The following AFF4 variants were observed in gnomAD, a reference collection of about 807,000 sequenced individuals.
AFF4 encodes ALF transcription elongation factor 4.
In AFF4, 13 loss-of-function variants were observed where a neutral mutation model predicts 124.8. The ratio of observed to expected loss-of-function variants is 0.10; its 90% CI spans 0.07 to 0.17. The LOEUF (loss-of-function observed/expected upper bound fraction) is 0.17, where lower values mean the gene tolerates loss of function less well. Ranked by LOEUF, AFF4 falls within the 10% of genes least tolerant of loss-of-function variation. The pLI, the probability that AFF4 is intolerant of heterozygous loss-of-function variation, is 1.00. For missense variants in AFF4, 1,092 were observed against 1,403.8 expected (o/e 0.78, Z 3.55); for synonymous variants, 477 against 496.1 (o/e 0.96, Z 0.51).
intron 1 of AFF4, among the ~76,000 whole-genome samples, chr5:132,950,208 G>A (rs922870469): frequency 6.6e-6 from 1 of 152,144 alleles, no homozygotes; most frequent in Non-Finnish European, 1.5e-5. Context: ...GGGCGCGATG[G>A]CTCACGCCTG....
chr5:132,891,651 A>C (rs1760260410), intron 13 of AFF4, among the ~76,000 whole-genome samples: 1 of 152,236 alleles, frequency 6.6e-6, no homozygotes. Context: ...TTGTCACTTT[A>C]CGTAATATAA....
At chr5:132,916,600 G>A (rs1246504710) in intron 5 of AFF4, among the ~76,000 whole-genome samples, 1 of 152,044 alleles carries the variant, frequency 6.6e-6, no homozygotes, top group Non-Finnish European at 1.5e-5. Context: ...TAAAAGCCAT[G>A]GTCTCAACTC....
At chr5:132,891,839 A>T in intron 13 of AFF4, 1 of 388,838 alleles carries the variant, frequency 2.6e-6, no homozygotes. Flanking sequence ...TCTTTTACAG[A>T]CAGGGTCTCA....
intron 1 of AFF4, among the ~76,000 whole-genome samples, chr5:132,955,795 A>AAAAT (rs1554079227): frequency 7.0e-4 from 82 of 117,482 alleles, no homozygotes; most frequent in East Asian, 3.3e-3. Flanking sequence ...AAAAAAAAAA[A>AAAAT]ATATATATAT....
intron 2 of AFF4, among the ~76,000 whole-genome samples, chr5:132,936,223 C>T (rs1255663493): frequency 7.2e-6 from 1 of 139,350 alleles, no homozygotes; most frequent in Non-Finnish European, 1.5e-5. Context: ...GCCCAGATCG[C>T]GCCACTGCAC....
rs1760753749 is a variant in AFF4 at position 132,909,866 on chromosome 5, G to A, written c.1051-5462C>T. Among the ~76,000 whole-genome samples, 3 of 152,128 alleles carry A rather than the reference G, an allele frequency of 2.0e-5. No individual in the cohort carries two copies. In the South Asian group the frequency reaches 6.2e-4, roughly 32 times the overall value. The stretch of plus-strand genomic sequence containing the variant: ...TGTTAAAGCAGCTACTGTATCAACA[G>A]GTGGAAGGGGAAGGTAAAGAGGGAA... On this transcript the variant is annotated intron_variant, in intron 5 of 20. Transcript: ENST00000265343.
intron 13 of AFF4, 53 bp from the exon 14 acceptor site, chr5:132,889,226 A>C (rs1373955579): frequency 1.6e-6 from 2 of 1,275,018 alleles, no homozygotes; most frequent in Non-Finnish European, 2.2e-6. Context: ...ATTAAAAATG[A>C]AACTAATAGC....
chr5:132,927,536 C>A, intron 4 of AFF4: 1 of 250,862 alleles, frequency 4.0e-6, no homozygotes, highest in Non-Finnish European at 7.6e-6. Context: ...GAGGAAGGGA[C>A]AATGATAAGG....
At chr5:132,924,824 A>G (rs1252098101) in intron 5 of AFF4, among the ~76,000 whole-genome samples, 2 of 151,710 alleles carry the variant, frequency 1.3e-5, no homozygotes, top group African/African-American at 4.8e-5. Flanking sequence ...CAGGTGACAC[A>G]GCAAGACTCC....
At chr5:132,907,661 G>C (rs558919517) in intron 5 of AFF4, among the ~76,000 whole-genome samples, 19 of 152,188 alleles carry the variant, frequency 1.2e-4, no homozygotes, top group Admixed American at 3.9e-4. Flanking sequence ...AGGAAGATGA[G>C]CAAAGGCTTC....
chr5:132,961,524 T>C (rs558140726), intron 1 of AFF4, among the ~76,000 whole-genome samples: 2 of 152,248 alleles, frequency 1.3e-5, no homozygotes, highest in African/African-American at 4.8e-5. Context: ...CAGGCCCGGC[T>C]GCAGAATATA....
At chr5:132,892,928 T>C in intron 12 of AFF4, 102 bp downstream of exon 12, 2 of 1,105,848 alleles carry the variant, frequency 1.8e-6, no homozygotes, top group Admixed American at 3.7e-5. Context: ...ATATAACACT[T>C]GCTTACTAAA....
chr5:132,883,234 A>T (rs745455720), intron 20 of AFF4, 106 bp downstream of exon 20: 116 of 1,049,608 alleles, frequency 1.1e-4, no homozygotes, highest in Middle Eastern at 4.2e-4. Context: ...ATTATCATTA[A>T]CTCTAAATAA....
intron 3 of AFF4, among the ~76,000 whole-genome samples, chr5:132,933,097 A>G (rs1246768053): frequency 6.6e-6 from 1 of 152,122 alleles, no homozygotes; most frequent in Non-Finnish European, 1.5e-5. Flanking sequence ...CACAAACTAC[A>G]TTAAAAGATA....
chr5:132,881,332 C>T (rs1325272929), intron 20 of AFF4, 146 bp from the exon 21 acceptor site: 2 of 817,688 alleles, frequency 2.4e-6, no homozygotes, highest in Non-Finnish European at 3.7e-6. Flanking sequence ...TGTTTTAGAG[C>T]AAATCATTCC....
At chr5:132,912,960 T>C (rs528476892) in intron 5 of AFF4, among the ~76,000 whole-genome samples, 1 of 152,128 alleles carries the variant, frequency 6.6e-6, no homozygotes, top group Non-Finnish European at 1.5e-5. Context: ...TCACATTAAA[T>C]GTAAGTGGTC....
intron 5 of AFF4, among the ~76,000 whole-genome samples, chr5:132,921,308 A>C (rs567997632): frequency 6.6e-6 from 1 of 152,254 alleles, no homozygotes; most frequent in Non-Finnish European, 1.5e-5. Context: ...AATCACAATG[A>C]GGTACCACTA....
chr5:132,899,236 G>A, intron 8 of AFF4, 95 bp from the exon 9 acceptor site: 3 of 1,214,304 alleles, frequency 2.5e-6, no homozygotes, highest in South Asian at 2.7e-5. Flanking sequence ...AGAAAAAACT[G>A]GATTCTCTAA....
Position 132,937,257 on chromosome 5 carries a change from G to A in AFF4, c.-4-64C>T, listed in dbSNP as rs1761453964. On this transcript the variant is annotated intron_variant, in intron 1 of 20. Coordinates refer to ENST00000265343, the MANE Select transcript of AFF4 (RefSeq NM_014423.4). ...AAGGAAAAATTAAATATTCTGTACA[G>A]ATTTTGTCAGCTTAACACTTCAATC... 6 of 1,482,284 alleles carry A rather than the reference G, an allele frequency of 4.0e-6. No individual in the cohort carries two copies. In the East Asian group the frequency reaches 1.5e-4, roughly 37 times the overall value. The allele number at this position is 1,482,284 out of a possible 1,614,324, so 91.8% of individuals were successfully genotyped here.
Sources: gnomAD v4.1 joint callset for allele counts (sites outside exome capture counted in the v4.1 genomes callset) on GRCh38, gnomAD v4.1.1 for gene constraint, MANE v1.5 for transcripts, NCBI Gene and HGNC (gene_info 2026-07-23, HGNC 2026-07-21) for gene names.